The following ACOXL variants were observed in gnomAD, a reference collection of about 807,000 sequenced individuals.
The protein encoded by ACOXL is acyl-coenzyme A oxidase-like protein.
ACOXL carries 70 observed loss-of-function variants against 71.9 expected under a neutral mutation model. The ratio of observed to expected loss-of-function variants is 0.97; its 90% CI spans 0.80 to 1.19. The LOEUF (loss-of-function observed/expected upper bound fraction) is 1.19. Ranked by LOEUF, ACOXL falls within the 50% of genes most tolerant of loss-of-function variation. ACOXL has a pLI of 0.00. For synonymous variants in ACOXL, 253 were observed against 281.6 expected (o/e 0.90, Z 1.02); for missense variants, 703 against 736.3 (o/e 0.95, Z 0.52).
chr2:110,911,285 C>T (rs1230295537), intron 11 of ACOXL, among the ~76,000 whole-genome samples: 3 of 151,974 alleles, frequency 2.0e-5, no homozygotes, highest in African/African-American at 4.8e-5. Context: ...TAGTGAATTC[C>T]ACCAAACATT....
intron 12 of ACOXL, among the ~76,000 whole-genome samples, chr2:110,969,533 A>C (rs996896940): frequency 7.9e-5 from 12 of 152,190 alleles, no homozygotes; most frequent in African/African-American, 2.7e-4. Context: ...TGAGGTTGCC[A>C]GTCGTGGTGG....
At chr2:110,976,798 T>C (rs2062464316) in intron 12 of ACOXL, among the ~76,000 whole-genome samples, 1 of 152,214 alleles carries the variant, frequency 6.6e-6, no homozygotes, top group African/African-American at 2.4e-5. Context: ...GGAAAAGGCA[T>C]GTTTCTTCTT....
intron 14 of ACOXL, among the ~76,000 whole-genome samples, chr2:111,024,723 G>T (rs1210740503): frequency 6.6e-6 from 1 of 152,026 alleles, no homozygotes; most frequent in Non-Finnish European, 1.5e-5. Context: ...GAAAAAGGCG[G>T]TATCTTGTTA....
At chr2:111,003,862 C>G (rs1265768349) in intron 14 of ACOXL, among the ~76,000 whole-genome samples, 1 of 152,122 alleles carries the variant, frequency 6.6e-6, no homozygotes, top group African/African-American at 2.4e-5. Context: ...AAAATATGCT[C>G]TTGCCTTAAG....
chr2:110,757,885 C>A (rs890504791), intron 1 of ACOXL, among the ~76,000 whole-genome samples: 1 of 152,042 alleles, frequency 6.6e-6, no homozygotes, highest in Non-Finnish European at 1.5e-5. Flanking sequence ...TCCAGGAGCT[C>A]TTTGGTCTAA....
intron 13 of ACOXL, among the ~76,000 whole-genome samples, chr2:110,994,893 G>A (rs2063322403): frequency 6.6e-6 from 1 of 152,096 alleles, no homozygotes; most frequent in Non-Finnish European, 1.5e-5. Context: ...GCTTGACTGA[G>A]TTCTGCCTGT....
Position 110,768,475 on chromosome 2 carries a change from T to C in ACOXL, c.75+11T>C. 2.5e-6 allele frequency: 4 copies of C among 1,611,706 alleles called. No homozygotes were observed. Among genetic ancestry groups the C allele is most frequent in the Non-Finnish European group, 3.4e-6 (4 of 1,178,370 alleles). ...GCAGGTCAGGATCTGGTAAGTGTCA[T>C]TATTATTCTGGTATGGTTGTGTGTG... On this transcript the variant is annotated intron_variant, in intron 2 of 17. Coordinates refer to ENST00000439055, the MANE Select transcript of ACOXL (RefSeq NM_001142807.4).
At chr2:110,929,174 C>T (rs2060390338) in intron 11 of ACOXL, among the ~76,000 whole-genome samples, 1 of 152,176 alleles carries the variant, frequency 6.6e-6, no homozygotes, top group South Asian at 2.1e-4. Context: ...TTGGAACTTC[C>T]TAGAGACTTC....
intron 10 of ACOXL, among the ~76,000 whole-genome samples, chr2:110,858,093 G>A (rs958040144): frequency 6.6e-6 from 1 of 152,038 alleles, no homozygotes; most frequent in African/African-American, 2.4e-5. Flanking sequence ...GACATATATC[G>A]AGTACCTGCT....
chr2:110,775,724 CA>C (rs539695027), intron 2 of ACOXL, among the ~76,000 whole-genome samples: 2 of 151,386 alleles, frequency 1.3e-5, no homozygotes, highest in South Asian at 4.2e-4. Context: ...TGGTTATTAT[CA>C]AAAAAAACAA....
intron 12 of ACOXL, chr2:110,968,138 G>A: frequency 7.5e-7 from 1 of 1,337,508 alleles, no homozygotes; most frequent in Non-Finnish European, 1.1e-6. Context: ...TATTGTACTG[G>A]CCTGCTGCTG....
At chr2:110,889,309 A>G (rs1655809385) in intron 10 of ACOXL, among the ~76,000 whole-genome samples, 1 of 136,116 alleles carries the variant, frequency 7.3e-6, no homozygotes, top group African/African-American at 2.5e-5. Flanking sequence ...AACCACCCCA[A>G]CTAATTTTTT....
chr2:110,806,313 C>G (rs930759157), intron 9 of ACOXL, among the ~76,000 whole-genome samples: 8 of 152,216 alleles, frequency 5.3e-5, no homozygotes, highest in African/African-American at 1.9e-4. Context: ...GCCCGTGCAC[C>G]CCAGTTCCTG....
intron 1 of ACOXL, among the ~76,000 whole-genome samples, chr2:110,755,007 C>A (rs1383243918): frequency 1.3e-5 from 2 of 152,140 alleles, no homozygotes; most frequent in Non-Finnish European, 2.9e-5. Flanking sequence ...TTTGTTTTGC[C>A]ACCTTGCCAG....
At chr2:111,003,723 C>A (rs1035361010) in intron 14 of ACOXL, among the ~76,000 whole-genome samples, 4 of 151,968 alleles carry the variant, frequency 2.6e-5, no homozygotes, top group Admixed American at 2.6e-4. Context: ...AAATTATAAA[C>A]CTTGCACTCG....
intron 16 of ACOXL, among the ~76,000 whole-genome samples, chr2:111,075,584 A>G (rs932922113): frequency 6.6e-6 from 1 of 151,074 alleles, no homozygotes; most frequent in Admixed American, 6.6e-5. Flanking sequence ...TTCTGTTTTT[A>G]TATTTATTAT....
At chr2:110,754,056 GTGTA>G (rs963291826) in intron 1 of ACOXL, among the ~76,000 whole-genome samples, 1 of 146,996 alleles carries the variant, frequency 6.8e-6, no homozygotes, top group African/African-American at 2.6e-5. Context: ...GTGTGTGTGT[GTGTA>G]GTTCTGTGAA....
intron 11 of ACOXL, among the ~76,000 whole-genome samples, chr2:110,912,874 T>G (rs2059696324): frequency 6.6e-6 from 1 of 152,220 alleles, no homozygotes; most frequent in Non-Finnish European, 1.5e-5. Context: ...ACATCTGGAC[T>G]TGTATCTAGA....
At chr2:110,921,528 G>A (rs550328383) in intron 11 of ACOXL, among the ~76,000 whole-genome samples, 4 of 151,602 alleles carry the variant, frequency 2.6e-5, no homozygotes, top group African/African-American at 9.7e-5. Flanking sequence ...CAAGTAGCTG[G>A]GACTACAGGT....
Sources: gnomAD v4.1 joint callset for allele counts (sites outside exome capture counted in the v4.1 genomes callset) on GRCh38, gnomAD v4.1.1 for gene constraint, MANE v1.5 for transcripts, NCBI Gene and HGNC (gene_info 2026-07-23, HGNC 2026-07-21) for gene names.